ATG7: variants seen among roughly 807,000 people sequenced by gnomAD.
ATG7 encodes the protein autophagy related 7.
In ATG7, 70 loss-of-function variants were observed where a neutral mutation model predicts 82.4. The ratio of observed to expected loss-of-function variants is 0.85; its 90% CI spans 0.70 to 1.04. The LOEUF (loss-of-function observed/expected upper bound fraction) is 1.04. ATG7 is among the 50% of genes least tolerant of loss of function. The pLI, the probability that ATG7 is intolerant of heterozygous loss-of-function variation, is 0.00. For synonymous variants in ATG7, 287 were observed against 313.0 expected (o/e 0.92, Z 0.88); for missense variants, 792 against 864.3 (o/e 0.92, Z 1.05).
At position 11,468,270 on chromosome 3, in the gene ATG7, G is replaced by A. The variant is rs183981537; in HGVS notation, c.2079+41344G>A. ...GTACCAATCACCCGAGGAATCTGCA[G>A]TCTCTGCGTAAGTGAAGAATGAGAA... On this transcript the variant is annotated intron_variant, in intron 20 of 20. Transcript: ENST00000693202. Among the ~76,000 whole-genome samples the A allele has an allele frequency of 6.1e-3, 918 of 151,504 alleles. 10 individuals are homozygous for A. Among genetic ancestry groups the A allele is most frequent in the Non-Finnish European group, 8.4e-3 (570 of 67,958 alleles).
intron 13 of ATG7, among the ~76,000 whole-genome samples, chr3:11,346,942 A>G (rs1018232427): frequency 6.6e-6 from 1 of 152,238 alleles, no homozygotes; most frequent in South Asian, 2.1e-4. Context: ...GAAACCTTCA[A>G]TCTAATTGAG....
At chr3:11,546,706 G>A (rs1414986866) in intron 20 of ATG7, among the ~76,000 whole-genome samples, 1 of 152,232 alleles carries the variant, frequency 6.6e-6, no homozygotes, top group African/African-American at 2.4e-5. Context: ...CTTTGGGTGT[G>A]TGTGGTCCAG....
At chr3:11,345,107 A>T (rs1424552844) in intron 13 of ATG7, among the ~76,000 whole-genome samples, 1 of 151,606 alleles carries the variant, frequency 6.6e-6, no homozygotes, top group Non-Finnish European at 1.5e-5. Flanking sequence ...GGCCTGATGC[A>T]TTTAAGAATT....
At chr3:11,494,776 T>G (rs2090678767) in intron 20 of ATG7, among the ~76,000 whole-genome samples, 1 of 152,284 alleles carries the variant, frequency 6.6e-6, no homozygotes, top group African/African-American at 2.4e-5. Context: ...TCATGCACTC[T>G]GTAAAGGCTT....
intron 20 of ATG7, among the ~76,000 whole-genome samples, chr3:11,503,546 C>T (rs1343500711): frequency 1.3e-5 from 2 of 152,042 alleles, no homozygotes; most frequent in African/African-American, 4.8e-5. Flanking sequence ...ATCACGAAGT[C>T]AGGAGGTCAA....
At chr3:11,512,066 G>C (rs955819964) in intron 20 of ATG7, among the ~76,000 whole-genome samples, 121 of 152,200 alleles carry the variant, frequency 8.0e-4, no homozygotes, top group Admixed American at 1.4e-3. Flanking sequence ...GGGGCTGAAG[G>C]GCTCCTCAAA....
chr3:11,304,494 G>C, intron 5 of ATG7: 1 of 152,218 alleles, frequency 6.6e-6, no homozygotes, highest in Non-Finnish European at 1.5e-5. Context: ...GTGACTTTCT[G>C]GGTTCCCAGC....
chr3:11,303,395 C>T (rs772067453), intron 5 of ATG7, among the ~76,000 whole-genome samples: 1 of 152,190 alleles, frequency 6.6e-6, no homozygotes, highest in Non-Finnish European at 1.5e-5. Context: ...TTCCGCCAGG[C>T]GCGGTGGCTC....
At chr3:11,297,280 C>T (rs1946085860) in intron 3 of ATG7, among the ~76,000 whole-genome samples, 1 of 152,128 alleles carries the variant, frequency 6.6e-6, no homozygotes, top group African/African-American at 2.4e-5. Flanking sequence ...ATTGTTTGAG[C>T]TTGGGAGGCT....
At chr3:11,326,325 G>A (rs1036955757) in intron 9 of ATG7, among the ~76,000 whole-genome samples, 3 of 151,656 alleles carry the variant, frequency 2.0e-5, no homozygotes, top group Non-Finnish European at 4.4e-5. Context: ...TTGAGACAGA[G>A]TCTTGCTTTG....
the ATG7 span, among the ~76,000 whole-genome samples, chr3:11,569,329 T>C: frequency 1.3e-5 from 2 of 152,136 alleles, no homozygotes; most frequent in Non-Finnish European, 2.9e-5. Context: ...ACAAGACATT[T>C]TGAGGATACA....
intron 9 of ATG7, among the ~76,000 whole-genome samples, chr3:11,317,631 C>T (rs12495886): frequency 0.21 from 29,367 of 139,360 alleles, 3,333 homozygotes; most frequent in Admixed American, 0.36. Flanking sequence ...CTTGCTCTGT[C>T]GCCCAGGCTG....
chr3:11,502,033 C>CACAT (rs989110195), intron 20 of ATG7, among the ~76,000 whole-genome samples: 6 of 41,470 alleles, frequency 1.4e-4, no homozygotes, highest in Admixed American at 1.1e-3. Flanking sequence ...CATATATACA[C>CACAT]ACATACACAC....
At chr3:11,443,421 T>C (rs1373131210) in intron 20 of ATG7, among the ~76,000 whole-genome samples, 3 of 152,206 alleles carry the variant, frequency 2.0e-5, no homozygotes, top group Non-Finnish European at 4.4e-5. Flanking sequence ...GGTCTCACCT[T>C]GTCACCCAGG....
At chr3:11,564,809 C>T in the ATG7 span, 2 of 1,565,748 alleles carry the variant, frequency 1.3e-6, no homozygotes, top group Non-Finnish European at 1.7e-6. Context: ...GCTGCCGCTC[C>T]CCCGGGGTCA....
At chr3:11,491,123 T>C (rs2923846) in intron 20 of ATG7, among the ~76,000 whole-genome samples, 24,229 of 152,250 alleles carry the variant, frequency 0.16, 2,809 homozygotes, top group South Asian at 0.35. Flanking sequence ...CAAACGTAGA[T>C]TTGGTCTTTT....
chr3:11,489,176 C>T (rs191894115), intron 20 of ATG7, among the ~76,000 whole-genome samples: 296 of 152,294 alleles, frequency 1.9e-3, no homozygotes, highest in African/African-American at 6.5e-3. Flanking sequence ...TCTAGATTTT[C>T]CCAGCTGTAT....
At chr3:11,542,488 C>T (rs929340767) in intron 20 of ATG7, among the ~76,000 whole-genome samples, 1 of 152,170 alleles carries the variant, frequency 6.6e-6, no homozygotes, top group Non-Finnish European at 1.5e-5. Context: ...CTTAGCACTT[C>T]CTGGGAGGGA....
At chr3:11,285,891 G>A (rs1416909547) in intron 3 of ATG7, among the ~76,000 whole-genome samples, 3 of 152,180 alleles carry the variant, frequency 2.0e-5, no homozygotes, top group African/African-American at 7.2e-5. Flanking sequence ...CTTTTATAGT[G>A]GAGCATCATC....
Sources: gnomAD v4.1 joint callset for allele counts (sites outside exome capture counted in the v4.1 genomes callset) on GRCh38, gnomAD v4.1.1 for gene constraint, MANE v1.5 for transcripts, NCBI Gene and HGNC (gene_info 2026-07-23, HGNC 2026-07-21) for gene names.